Variants in NELL1 observed in about 807,000 individuals in gnomAD.
NELL1 encodes protein kinase C-binding protein NELL1.
A neutral mutation model predicts 107.4 loss-of-function variants in NELL1; 76 were observed. The observed-to-expected ratio is 0.71, with a 90% CI of 0.59 to 0.86. The LOEUF is 0.86. Ranked by LOEUF, NELL1 falls within the 40% of genes least tolerant of loss-of-function variation. NELL1 has a pLI of 0.00. For synonymous variants in NELL1, 353 were observed against 341.2 expected (o/e 1.03, Z -0.38); for missense variants, 1,024 against 1,005.5 (o/e 1.02, Z -0.25).
At chr11:21,042,507 A>G (rs1257172895) in intron 12 of NELL1, among the ~76,000 whole-genome samples, 1 of 152,204 alleles carries the variant, frequency 6.6e-6, no homozygotes, top group Non-Finnish European at 1.5e-5. Flanking sequence ...ATCCATTGAA[A>G]GAGTCAATTA....
chr11:20,694,578 C>A (rs150062261), intron 2 of NELL1, among the ~76,000 whole-genome samples: 10 of 151,884 alleles, frequency 6.6e-5, no homozygotes, highest in Admixed American at 1.3e-4. Flanking sequence ...TGGTTGTAGG[C>A]GTGTGGTTTT....
chr11:21,388,337 T>A (rs527538956), intron 15 of NELL1, among the ~76,000 whole-genome samples: 1 of 151,928 alleles, frequency 6.6e-6, no homozygotes, highest in Admixed American at 6.6e-5. Flanking sequence ...TATCTCCCAA[T>A]ATTGTTATAA....
chr11:20,842,892 A>C (rs1848644912), intron 3 of NELL1, among the ~76,000 whole-genome samples: 1 of 152,208 alleles, frequency 6.6e-6, no homozygotes, highest in African/African-American at 2.4e-5. Flanking sequence ...CAGTTCTCCT[A>C]GTAATGATTA....
At chr11:21,106,023 C>T (rs1404795736) in intron 12 of NELL1, among the ~76,000 whole-genome samples, 1 of 147,130 alleles carries the variant, frequency 6.8e-6, no homozygotes, top group African/African-American at 2.5e-5. Flanking sequence ...CACTAATGCT[C>T]CTTGTGATAA....
chr11:21,021,347 C>T lies in NELL1; in HGVS notation c.1300+60787C>T, dbSNP rs552076875. On this transcript the variant is annotated intron_variant, in intron 12 of 19. Transcript: ENST00000357134. ...TCAATATCTCTTTCATGTTTATCTG[C>T]GAGTGTGAAAATGCCATGAATGATC... Among the ~76,000 whole-genome samples, 98 of 151,984 alleles carry T rather than the reference C, an allele frequency of 6.4e-4. 1 individual carries two copies. The highest frequency in any genetic ancestry group is 1.9e-4 in the East Asian group (1 of 5,136).
chr11:20,729,765 C>G (rs1451330423), intron 2 of NELL1, among the ~76,000 whole-genome samples: 1 of 152,080 alleles, frequency 6.6e-6, no homozygotes, highest in African/African-American at 2.4e-5. Flanking sequence ...TAATGGAGTA[C>G]TAGGAGAGAA....
intron 15 of NELL1, among the ~76,000 whole-genome samples, chr11:21,522,839 T>C (rs1229600786): frequency 3.3e-5 from 4 of 121,852 alleles, no homozygotes; most frequent in Admixed American, 1.6e-4. Context: ...CTTTTCTTTT[T>C]TTTTTTTTTT....
chr11:21,201,467 C>CA (rs1302000196), intron 13 of NELL1, among the ~76,000 whole-genome samples: 29 of 152,260 alleles, frequency 1.9e-4, no homozygotes, highest in African/African-American at 7.0e-4. Context: ...GATTTTTGCA[C>CA]ATTGATTTTA....
At chr11:20,967,724 T>A (rs1851414656) in intron 12 of NELL1, among the ~76,000 whole-genome samples, 1 of 152,176 alleles carries the variant, frequency 6.6e-6, no homozygotes, top group Non-Finnish European at 1.5e-5. Context: ...TAGCATCCAC[T>A]CTTGCCCACC....
At chr11:21,383,341 G>A (rs1266748557) in intron 15 of NELL1, among the ~76,000 whole-genome samples, 1 of 151,850 alleles carries the variant, frequency 6.6e-6, no homozygotes, top group Non-Finnish European at 1.5e-5. Flanking sequence ...TCTATGGGTG[G>A]CAGCAATTTC....
intron 4 of NELL1, among the ~76,000 whole-genome samples, chr11:20,869,490 C>T (rs1849157106): frequency 6.6e-6 from 1 of 152,160 alleles, no homozygotes; most frequent in Non-Finnish European, 1.5e-5. Flanking sequence ...GCCAGTTCAT[C>T]CATTTGATCA....
At chr11:21,532,564 A>T (rs988431825) in intron 15 of NELL1, among the ~76,000 whole-genome samples, 1 of 152,170 alleles carries the variant, frequency 6.6e-6, no homozygotes, top group Non-Finnish European at 1.5e-5. Flanking sequence ...CTATTTGTGT[A>T]TCTCCTGATT....
chr11:21,523,142 C>T (rs557810176), intron 15 of NELL1, among the ~76,000 whole-genome samples: 3 of 152,078 alleles, frequency 2.0e-5, no homozygotes, highest in South Asian at 2.1e-4. Context: ...CTACTGCACC[C>T]GGCTGAATCC....
intron 15 of NELL1, among the ~76,000 whole-genome samples, chr11:21,522,287 C>T (rs557724715): frequency 6.6e-6 from 1 of 151,266 alleles, no homozygotes; most frequent in South Asian, 2.1e-4. Flanking sequence ...AAGTACTATT[C>T]GCAATAATGA....
chr11:20,890,257 A>G (rs1849591340), intron 5 of NELL1, among the ~76,000 whole-genome samples: 1 of 152,084 alleles, frequency 6.6e-6, no homozygotes, highest in South Asian at 2.1e-4. Context: ...CAGCAGCCCT[A>G]CAGAAGAGAG....
chr11:21,505,776 A>G (rs1423846650), intron 15 of NELL1, among the ~76,000 whole-genome samples: 1 of 152,168 alleles, frequency 6.6e-6, no homozygotes, highest in Non-Finnish European at 1.5e-5. Context: ...CCTCTGCTAT[A>G]ACACTTGGAA....
At chr11:21,284,512 G>T (rs747610279) in intron 14 of NELL1, 3 of 459,558 alleles carry the variant, frequency 6.5e-6, no homozygotes, top group East Asian at 6.9e-5. Context: ...GTGGCATCCC[G>T]CTATCCTCAG....
At chr11:21,442,379 A>G (rs1474859981) in intron 15 of NELL1, among the ~76,000 whole-genome samples, 4 of 152,076 alleles carry the variant, frequency 2.6e-5, no homozygotes, top group Non-Finnish European at 5.9e-5. Flanking sequence ...GTCTCTGTTC[A>G]TCTCAACCAC....
At chr11:21,519,864 C>T (rs1258575177) in intron 15 of NELL1, among the ~76,000 whole-genome samples, 1 of 152,124 alleles carries the variant, frequency 6.6e-6, no homozygotes, top group Non-Finnish European at 1.5e-5. Context: ...GAGAGAGATT[C>T]CTGGTGCTGA....
Sources: allele counts gnomAD v4.1 joint callset (sites outside exome capture counted in the v4.1 genomes callset), GRCh38; gene constraint gnomAD v4.1.1; transcripts MANE v1.5; gene names NCBI Gene and HGNC (gene_info 2026-07-23, HGNC 2026-07-21).